NOL6: variants seen among roughly 807,000 people sequenced by gnomAD.
The protein encoded by NOL6 is nucleolar protein 6, also known as nucleolar RNA-associated protein.
Under a neutral mutation model 131.7 loss-of-function variants are expected in NOL6, and 33 were observed. The ratio of observed to expected loss-of-function variants is 0.25; its 90% CI spans 0.19 to 0.33. NOL6 has a LOEUF of 0.33. Ranked by LOEUF, NOL6 falls within the 10% of genes least tolerant of loss-of-function variation. NOL6 has a pLI of 1.00. For synonymous variants in NOL6, 580 were observed against 605.7 expected, an observed-to-expected ratio of 0.96 and a Z score of 0.62; for missense variants, 1,297 against 1,494.5, an observed-to-expected ratio of 0.87 and a Z score of 2.18.
At chr9:33,471,226 G>A (rs1827404254) in intron 3 of NOL6, among the ~76,000 whole-genome samples, 1 of 152,246 alleles carries the variant, frequency 6.6e-6, no homozygotes, top group South Asian at 2.1e-4. Flanking sequence ...TCGCGCCATT[G>A]CACTCCAGTG....
chr9:33,466,651 CTG>C lies in NOL6; in HGVS notation c.2007_2008del (p.Arg671ProfsTer41). On this transcript the variant is annotated frameshift_variant, in exon 16 of 26. Transcript: ENST00000297990. LOFTEE classifies it high-confidence loss of function. Reference sequence around the variant, plus strand: ...ACCCTCTAGCCCCCACAGTAGGCGACTGAGGTCGTCGTAGCAACGTACCGCCG... The same window carrying C: ...ACCCTCTAGCCCCCACAGTAGGCGACAGGTCGTCGTAGCAACGTACCGCCG... 1 of 1,614,048 alleles carries C rather than the reference CTG, an allele frequency of 6.2e-7. No homozygotes were observed. The highest frequency in any genetic ancestry group is 8.5e-7 in the Non-Finnish European group (1 of 1,180,038).
intron 23 of NOL6, 61 bp downstream of exon 23, chr9:33,463,770 G>T: frequency 6.4e-7 from 1 of 1,553,708 alleles, no homozygotes; most frequent in Non-Finnish European, 8.9e-7. Context: ...ATCCCTGAAC[G>T]CTGAACTTCC....
chr9:33,464,117 C>T lies in NOL6; in HGVS notation c.2824G>A (p.Ala942Thr), dbSNP rs1442005323. 1.2e-6 allele frequency: 2 copies of T among 1,612,708 alleles called. No individual in the cohort carries two copies. Among genetic ancestry groups the T allele is most frequent in the Admixed American group, 3.3e-5 (2 of 59,890 alleles). The change falls in exon 22 of 26, where the codon GCA becomes ACA. Residue 942 changes from alanine to threonine, a missense_variant. Coordinates refer to ENST00000297990, the MANE Select transcript of NOL6 (RefSeq NM_022917.5). ...EIRSGFLAAR[A>T]QLPVMVIVTP... is the part of the protein sequence containing the mutation. ...ACAATGACCATGACGGGGAGCTGTG[C>T]CCGAGCTGCCAGGAAGCCACTGCGG...
In NOL6 at chr9:33,465,488, C is replaced by G. The variant is rs138571784; in HGVS notation, c.2529-129G>C. ...ATCTCATATTCTCTTAAGAAATGCA[C>G]CAAGAAGTTGACCCTAGTGTTATTT... is the stretch of plus-strand genomic sequence containing the variant. On this transcript the variant is annotated intron_variant, in intron 19 of 25. Transcript: ENST00000297990. The G allele has an allele frequency of 8.8e-5, 106 of 1,206,222 alleles. No homozygotes were observed. The East Asian group carries it at 2.7e-3, about 30-fold the overall frequency. 74.7% of individuals were successfully genotyped at this position (1,206,222 alleles called of 1,614,324 possible).
At chr9:33,470,301 A>C (rs1827374419) in intron 3 of NOL6, 110 bp from the exon 4 acceptor site, 2 of 981,858 alleles carry the variant, frequency 2.0e-6, no homozygotes, top group African/African-American at 1.7e-5. Context: ...CCAAACTCCC[A>C]ATCTTCCCAT....
rs777264864 is a variant in NOL6, at chr9:33,470,105, C to A, written c.465G>T (p.Leu155=). 9.3e-6 allele frequency: 15 copies of A among 1,612,680 alleles called. No individual in the cohort carries two copies. Among genetic ancestry groups the A allele is most frequent in the Middle Eastern group, 3.3e-4 (2 of 6,062 alleles). ...CCACAACAGTAACCTGGGCTGGGGGCAGGAAGCGGAAACAGCCCTTCACGG... is the reference window on the plus strand; with the variant it reads ...CCACAACAGTAACCTGGGCTGGGGGAAGGAAGCGGAAACAGCCCTTCACGG... ...PYAVKGCFRF[L]PPAQVTVVGS... is the part of the protein sequence containing the mutation. Residue 155 remains leucine, a synonymous_variant, in exon 4 of 26, where the codon CTG becomes CTT. Transcript: ENST00000297990.
Position 33,463,925 on chromosome 9 carries a change from G to A in NOL6, c.2905-5C>T, listed in dbSNP as rs373734732. ...GACCACAAGCTGCTGCAGGATCTGCGGGGTACAGACACATCAGACTGGAAC... is the reference window on the plus strand; with the variant it reads ...GACCACAAGCTGCTGCAGGATCTGCAGGGTACAGACACATCAGACTGGAAC... On this transcript the variant is annotated splice_region_variant and splice_polypyrimidine_tract_variant and intron_variant, in intron 22 of 25. Transcript: ENST00000297990. 3.1e-5 allele frequency: 50 copies of A among 1,614,006 alleles called. No individual in the cohort carries two copies. The highest frequency in any genetic ancestry group is 3.7e-5 in the Non-Finnish European group (44 of 1,180,008).
intron 1 of NOL6, among the ~76,000 whole-genome samples, chr9:33,473,209 A>T (rs1322887095): frequency 6.6e-6 from 1 of 152,192 alleles, no homozygotes; most frequent in Non-Finnish European, 1.5e-5. Context: ...ACCCCAGAGG[A>T]CACATTTAGC....
chr9:33,462,936 A>G (rs1361828504), intron 25 of NOL6, 97 bp downstream of exon 25: 1 of 1,540,736 alleles, frequency 6.5e-7, no homozygotes, highest in Non-Finnish European at 8.9e-7. Context: ...CGCACCTGAC[A>G]CGGGTTTGCC....
At position 33,469,038 on chromosome 9, in the gene NOL6, T is replaced by C. The variant is rs2119025358; in HGVS notation, c.946A>G (p.Thr316Ala). Residue 316 changes from threonine to alanine, a missense_variant, in exon 7 of 26, where the codon ACC becomes GCC. Transcript: ENST00000297990. ...VLESHLQLLS[T>A]ILSSAQGLKD... ...AGGCCCTGGGCTGAACTCAGAATGG[T>C]TGACAGCAGCTGCAAATGGGACTCG... 3 of 1,614,130 alleles carry C rather than the reference T, an allele frequency of 1.9e-6. No homozygotes were observed. The highest frequency in any genetic ancestry group is 1.7e-6 in the Non-Finnish European group (2 of 1,180,010).
chr9:33,468,684 T>C (rs11795028), intron 8 of NOL6, 68 bp downstream of exon 8: 250,003 of 1,610,868 alleles, frequency 0.16, 20,066 homozygotes, highest in East Asian at 0.26. Flanking sequence ...ACCAAAAGAC[T>C]GCTACTGGGA....
At position 33,466,317 on chromosome 9, in the gene NOL6, G is replaced by T. The variant is rs1188684593; in HGVS notation, c.2200C>A (p.Pro734Thr). ...CCAAGGGCCCTCTTACCGGTCATGG[G>T]CTCCACGTAGGCCGGACAGGGCTTA... ...LDKPCPAYVE[P>T]MTVVCHLEGS... is the part of the protein sequence containing the mutation. The change falls in exon 17 of 26, where the codon CCC becomes ACC. Residue 734 changes from proline to threonine, a missense_variant. By Grantham distance (38) the Pro-to-Thr change is conservative (BLOSUM62 -1). Transcript: ENST00000297990. The T allele has an allele frequency of 6.2e-7, 1 of 1,614,036 alleles. No homozygotes were observed. Among genetic ancestry groups the T allele is most frequent in the Non-Finnish European group, 8.5e-7 (1 of 1,180,026 alleles).
At position 33,465,218 on chromosome 9, in the gene NOL6, GA is replaced by G; in HGVS notation, c.2669del (p.Phe890SerfsTer95). ...AAALFLHPEP[F>X]TPPSSPQVGF... ...GTGGAGGGAATCACCTCGGAGGGGTGAAGGGCTCAGGGTGCAGGAAAAGGGC... is the reference window on the plus strand; with the variant it reads ...GTGGAGGGAATCACCTCGGAGGGGTGAGGGCTCAGGGTGCAGGAAAAGGGC... On this transcript the variant is annotated frameshift_variant, in exon 20 of 26. Coordinates refer to ENST00000297990, the MANE Select transcript of NOL6 (RefSeq NM_022917.5). LOFTEE classifies it high-confidence loss of function. 6.3e-7 allele frequency: 1 copy of G among 1,594,664 alleles called. No individual in the cohort carries two copies. Among genetic ancestry groups the G allele is most frequent in the Admixed American group, 1.7e-5 (1 of 57,238 alleles).
chr9:33,472,229 G>A lies in NOL6; in HGVS notation c.238C>T (p.His80Tyr). Reference sequence around the variant, plus strand: ...ACCTGTAAACGAAGCAAGCTGGAGTGGAACAAGATCTCAGTCTCCCGAAGG... The same window carrying A: ...ACCTGTAAACGAAGCAAGCTGGAGTAGAACAAGATCTCAGTCTCCCGAAGG... ...NRLRETEILF[H>Y]SSLLRLQVEE... The change falls in exon 2 of 26, where the codon CAC becomes TAC. Residue 80 changes from histidine to tyrosine, a missense_variant. Physicochemically the swap from His to Tyr is moderately conservative, Grantham distance 83. Coordinates refer to ENST00000297990, the MANE Select transcript of NOL6 (RefSeq NM_022917.5). The A allele has an allele frequency of 6.2e-7, 1 of 1,614,218 alleles. No homozygotes were observed. Among genetic ancestry groups the A allele is most frequent in the South Asian group, 1.1e-5 (1 of 91,088 alleles).
rs1326838505 is a variant in NOL6, at chr9:33,466,162, C to T, written c.2273G>A (p.Arg758Gln). The T allele has an allele frequency of 1.9e-6, 3 of 1,613,204 alleles. No individual in the cohort carries two copies. The highest frequency in any genetic ancestry group is 2.2e-5 in the East Asian group (1 of 44,864). Residue 758 changes from arginine (R) to glutamine (Q), a missense_variant, in exon 18 of 26, where the codon CGA (arginine) becomes CAA (glutamine). Coordinates refer to ENST00000297990, the MANE Select transcript of NOL6 (RefSeq NM_022917.5). The part of the protein sequence containing the change: ...PQDAEAVQRV[R>Q]AAFQLRLAEL... ...TGCCAGGCGCAGCTGGAAGGCAGCT[C>T]GGACCCGCTGCACGGCCTCAGCGTC...
chr9:33,472,356 C>T lies in NOL6; in HGVS notation c.111G>A (p.Arg37=). The T allele has an allele frequency of 1.2e-6, 2 of 1,614,196 alleles. No individual in the cohort carries two copies. Among genetic ancestry groups the T allele is most frequent in the Non-Finnish European group, 1.7e-6 (2 of 1,180,048 alleles). ...TGKEGKKASS[R]KRTLAEPPAK... ...CTGGAGGTTCAGCCAATGTACGCTTCCTGGAGGATGCTTTCTTCCCCTCTT... is the reference window on the plus strand; with the variant it reads ...CTGGAGGTTCAGCCAATGTACGCTTTCTGGAGGATGCTTTCTTCCCCTCTT... Residue 37 remains arginine (R), a synonymous_variant, in exon 2 of 26, where the codon AGG becomes AGA. Transcript: ENST00000297990.
At chr9:33,469,961 T>G in intron 4 of NOL6, 51 bp downstream of exon 4, 1 of 1,473,280 alleles carries the variant, frequency 6.8e-7, no homozygotes. Flanking sequence ...GGATCCAGGA[T>G]TTGTAGGTAG....
intron 23 of NOL6, 127 bp from the exon 24 acceptor site, chr9:33,463,568 A>G: frequency 2.3e-6 from 2 of 869,820 alleles, no homozygotes; most frequent in Admixed American, 2.8e-5. Context: ...CCACCTGCCC[A>G]TTTGAAGACT....
At position 33,465,216 on chromosome 9, in the gene NOL6, G is replaced by A. The variant is rs1313597880; in HGVS notation, c.2672C>T (p.Thr891Ile). The A allele has an allele frequency of 4.4e-6, 7 of 1,594,028 alleles. No homozygotes were observed. Among genetic ancestry groups the A allele is most frequent in the Non-Finnish European group, 6.0e-6 (7 of 1,169,930 alleles). The change falls in exon 20 of 26, where the codon ACC becomes ATC. Residue 891 changes from threonine (T) to isoleucine (I), a missense_variant. Transcript: ENST00000297990. ...AAGTGGAGGGAATCACCTCGGAGGG[G>A]TGAAGGGCTCAGGGTGCAGGAAAAG... ...AALFLHPEPF[T>I]PPSSPQVGFL...
Sources: gnomAD v4.1 joint callset for allele counts (sites outside exome capture counted in the v4.1 genomes callset) on GRCh38, gnomAD v4.1.1 for gene constraint, MANE v1.5 for transcripts, NCBI Gene and HGNC (gene_info 2026-07-23, HGNC 2026-07-21) for gene names.